DGKH: variants seen among roughly 807,000 people sequenced by gnomAD.
DGKH encodes the protein DAG kinase eta.
In DGKH, 90 loss-of-function variants were observed where a neutral mutation model predicts 159.3. The observed-to-expected ratio is 0.57, with a 90% CI of 0.48 to 0.67. DGKH has a LOEUF of 0.67. Among genes scored for constraint, DGKH ranks in the 30% least tolerant of loss-of-function variants. DGKH has a pLI of 0.00. For synonymous variants in DGKH, 536 were observed against 553.8 expected, an observed-to-expected ratio of 0.97 and a Z score of 0.45; for missense variants, 1,181 against 1,506.1, an observed-to-expected ratio of 0.78 and a Z score of 3.57.
At chr13:42,165,293 T>A (rs372307402) in intron 7 of DGKH, 38 bp from the exon 8 acceptor site, 56 of 1,152,108 alleles carry the variant, frequency 4.9e-5, no homozygotes, top group Non-Finnish European at 6.0e-5. Flanking sequence ...CAGAACATTA[T>A]TTTTATGATT....
chr13:42,135,507 A>AAAAAAAAAAAAAGAG (rs71096557), intron 3 of DGKH, among the ~76,000 whole-genome samples: 10 of 113,404 alleles, frequency 8.8e-5, no homozygotes, highest in Non-Finnish European at 1.9e-4. Context: ...AAAAAAAAAA[A>AAAAAAAAAAAAAGAG]AGAGAGAGAG....
At chr13:42,174,392 A>G (rs1262620021) in intron 12 of DGKH, among the ~76,000 whole-genome samples, 1 of 151,872 alleles carries the variant, frequency 6.6e-6, no homozygotes, top group African/African-American at 2.4e-5. Context: ...TCTTCCTGGG[A>G]CTCTTCATGT....
chr13:42,172,181 C>G (rs3938491), intron 11 of DGKH, among the ~76,000 whole-genome samples: 35,481 of 151,192 alleles, frequency 0.23, 4,562 homozygotes, highest in Admixed American at 0.29. Flanking sequence ...TTCAGTGGCA[C>G]AATCTCGGCT....
intron 3 of DGKH, among the ~76,000 whole-genome samples, chr13:42,143,538 T>C: frequency 6.6e-6 from 1 of 152,212 alleles, no homozygotes. Flanking sequence ...CTGGACTTTT[T>C]TTGGTTGGTA....
chr13:42,133,128 G>A (rs1955325094), intron 3 of DGKH, among the ~76,000 whole-genome samples: 1 of 149,416 alleles, frequency 6.7e-6, no homozygotes, highest in African/African-American at 2.5e-5. Flanking sequence ...TCGAGATTGC[G>A]CCACTGCACT....
chr13:42,191,476 T>C (rs1873118729), intron 16 of DGKH, among the ~76,000 whole-genome samples: 1 of 152,098 alleles, frequency 6.6e-6, no homozygotes, highest in African/African-American at 2.4e-5. Flanking sequence ...AACCTGCACA[T>C]GTCCCCCTGA....
intron 1 of DGKH, among the ~76,000 whole-genome samples, chr13:42,041,102 G>A (rs1399521758): frequency 6.6e-6 from 1 of 152,162 alleles, no homozygotes; most frequent in Admixed American, 6.5e-5. Flanking sequence ...CGCGCCGCCT[G>A]GAGCGCCTTT....
intron 1 of DGKH, chr13:42,070,223 GT>G: frequency 9.3e-7 from 1 of 1,078,022 alleles, no homozygotes; most frequent in Non-Finnish European, 1.4e-6. Flanking sequence ...AGGAAATTCA[GT>G]GCTTCGCGAC....
At chr13:42,142,388 T>G in intron 3 of DGKH, among the ~76,000 whole-genome samples, 1 of 151,438 alleles carries the variant, frequency 6.6e-6, no homozygotes, top group Non-Finnish European at 1.5e-5. Flanking sequence ...GGCTCTTTTT[T>G]GGTTCCATAT....
intron 1 of DGKH, among the ~76,000 whole-genome samples, chr13:42,050,759 G>A (rs930818868): frequency 6.6e-6 from 1 of 152,126 alleles, no homozygotes; most frequent in Admixed American, 6.5e-5. Context: ...GGAGAACAAG[G>A]TACCTGAGGA....
chr13:42,184,995 T>C (rs1222008445), intron 13 of DGKH, among the ~76,000 whole-genome samples: 1 of 152,140 alleles, frequency 6.6e-6, no homozygotes, highest in East Asian at 1.9e-4. Context: ...CTTTTGCACA[T>C]ATTTTCTGGA....
At chr13:42,126,139 A>T (rs752727883) in intron 1 of DGKH, among the ~76,000 whole-genome samples, 28 of 152,198 alleles carry the variant, frequency 1.8e-4, no homozygotes, top group Non-Finnish European at 3.2e-4. Context: ...CCATCCAATT[A>T]AAATGAAACA....
chr13:42,085,012 C>T (rs1235861240), intron 1 of DGKH, among the ~76,000 whole-genome samples: 2 of 151,038 alleles, frequency 1.3e-5, no homozygotes, highest in African/African-American at 4.9e-5. Flanking sequence ...TATTTTTATT[C>T]CTACTTTTAA....
chr13:42,123,186 A>G (rs1955108300), intron 1 of DGKH, among the ~76,000 whole-genome samples: 1 of 152,184 alleles, frequency 6.6e-6, no homozygotes, highest in Admixed American at 6.5e-5. Context: ...AATGTATATT[A>G]TAAATTTCAA....
intron 1 of DGKH, among the ~76,000 whole-genome samples, chr13:42,110,668 C>T (rs993725472): frequency 4.6e-5 from 7 of 152,090 alleles, no homozygotes; most frequent in East Asian, 1.9e-4. Context: ...TTACCAGTTA[C>T]GGGAAGGATT....
chr13:42,179,418 A>G (rs1405241679), intron 13 of DGKH, among the ~76,000 whole-genome samples: 2 of 152,218 alleles, frequency 1.3e-5, no homozygotes, highest in Admixed American at 6.5e-5. Context: ...ATTTAATTCT[A>G]TCTAATTTAT....
rs760982390 is a variant in DGKH at position 42,166,531 on chromosome 13, A to G, written c.975A>G (p.Thr325=). The change falls in exon 9 of 30, where the codon ACA becomes ACG. Residue 325 remains threonine (T), a synonymous_variant. Transcript: ENST00000337343. ...TTTTCACAGGTTTCTGTAGAGCAACATTTTCGTTCTGTGTTAGTCCTCTAT... is the reference window on the plus strand; with the variant it reads ...TTTTCACAGGTTTCTGTAGAGCAACGTTTTCGTTCTGTGTTAGTCCTCTAT... ...STDSDGFCRA[T]FSFCVSPLLV... is the part of the protein sequence containing the mutation. 1 of 1,551,908 alleles carries G rather than the reference A, an allele frequency of 6.4e-7. No individual in the cohort carries two copies. The highest frequency in any genetic ancestry group is 1.9e-5 in the Admixed American group (1 of 51,938).
At chr13:42,104,450 T>C (rs1429926666) in intron 1 of DGKH, among the ~76,000 whole-genome samples, 1 of 152,250 alleles carries the variant, frequency 6.6e-6, no homozygotes, top group African/African-American at 2.4e-5. Context: ...ACATGGGGGC[T>C]TCAAACTTCA....
intron 1 of DGKH, among the ~76,000 whole-genome samples, chr13:42,100,738 C>G (rs1954637522): frequency 6.6e-6 from 1 of 152,172 alleles, no homozygotes; most frequent in Non-Finnish European, 1.5e-5. Flanking sequence ...ATTCACCTTA[C>G]AGGAATTCAA....
Sources: allele counts gnomAD v4.1 joint callset (sites outside exome capture counted in the v4.1 genomes callset), GRCh38; gene constraint gnomAD v4.1.1; transcripts MANE v1.5; gene names NCBI Gene and HGNC (gene_info 2026-07-23, HGNC 2026-07-21).